Variants in RSPH9 observed in about 807,000 individuals in gnomAD.
RSPH9 encodes the protein radial spoke head protein 9 homolog.
In RSPH9, 27 loss-of-function variants were observed where a neutral mutation model predicts 27.0. The observed-to-expected ratio is 1.00, with a 90% CI of 0.74 to 1.38. The LOEUF is 1.38. RSPH9 is among the 40% of genes most tolerant of loss of function. The probability of loss-of-function intolerance (pLI) is 0.00; values close to 1 mark genes in which losing one functional copy is unlikely to be tolerated. For synonymous variants in RSPH9, 145 were observed against 147.7 expected (o/e 0.98, Z 0.13); for missense variants, 347 against 357.4 (o/e 0.97, Z 0.24).
chr6:43,646,700 C>A (rs1770906491), intron 1 of RSPH9, among the ~76,000 whole-genome samples: 1 of 148,608 alleles, frequency 6.7e-6, no homozygotes. Flanking sequence ...TGGTGGCTCA[C>A]GCCTTTAATC....
At chr6:43,651,142 G>T (rs1561937960) in intron 2 of RSPH9, among the ~76,000 whole-genome samples, 1 of 152,014 alleles carries the variant, frequency 6.6e-6, no homozygotes, top group Non-Finnish European at 1.5e-5. Flanking sequence ...TGGGTACCTG[G>T]GTGTGCTAGG....
At chr6:43,645,364 T>C (rs1189796307) in intron 1 of RSPH9, 39 bp downstream of exon 1, 6 of 386,076 alleles carry the variant, frequency 1.6e-5, no homozygotes, top group East Asian at 9.6e-5. Context: ...AGAGGGTGGC[T>C]ACCTGGAGGC....
rs984331021 is a variant in RSPH9 at position 43,671,451 on chromosome 6, G to A, written c.*502G>A. ...CCCAAGCAGTGAGCGCACACCCAAT[G>A]GGTAAGCCCATGAACCCAGTTTATG... On this transcript the variant is annotated 3_prime_UTR_variant, in exon 5 of 5. Transcript: ENST00000372163. 1.3e-5 allele frequency: 6 copies of A among 462,126 alleles called. No individual in the cohort carries two copies. The highest frequency in any genetic ancestry group is 2.0e-5 in the Non-Finnish European group (5 of 254,476). The allele number at this position is 462,126 out of a possible 1,614,324, so 28.6% of individuals were successfully genotyped here. A position where few individuals can be genotyped will look rare whatever the true frequency, so the allele number is the denominator to read the frequency against.
Position 43,655,701 on chromosome 6 carries a change from C to T in RSPH9, c.523+10C>T. 1 of 1,614,216 alleles carries T rather than the reference C, an allele frequency of 6.2e-7. No homozygotes were observed. Among genetic ancestry groups the T allele is most frequent in the African/African-American group, 1.3e-5 (1 of 75,072 alleles). On this transcript the variant is annotated intron_variant, in intron 3 of 4. Coordinates refer to ENST00000372163, the MANE Select transcript of RSPH9 (RefSeq NM_152732.5). The stretch of plus-strand genomic sequence containing the variant: ...AATCGGACCTTTGAAGGTGAGTTCT[C>T]TGGGGCCCCTCTCAAGGGCTGGGGG...
At chr6:43,659,764 C>T (rs1028399046) in intron 4 of RSPH9, among the ~76,000 whole-genome samples, 2 of 151,292 alleles carry the variant, frequency 1.3e-5, no homozygotes, top group Admixed American at 1.3e-4. Context: ...TGGAGTCTCA[C>T]TCTATCGCCC....
intron 1 of RSPH9, among the ~76,000 whole-genome samples, chr6:43,646,609 C>G (rs1770894259): frequency 6.7e-6 from 1 of 148,994 alleles, no homozygotes; most frequent in African/African-American, 2.5e-5. Context: ...AGCTTACTAC[C>G]TTACAAAGCA....
rs1332455371 is a variant in RSPH9 at position 43,671,404 on chromosome 6, G to A, written c.*455G>A. The A allele has an allele frequency of 2.5e-6, 1 of 403,392 alleles. No homozygotes were observed. 25.0% of individuals were successfully genotyped at this position (403,392 alleles called of 1,614,324 possible). ...CAATGCTCAGCACCCAGCTGGCAAT[G>A]TGCCCAGGACCCCCTGCACTTCCCA... On this transcript the variant is annotated 3_prime_UTR_variant, in exon 5 of 5. Coordinates refer to ENST00000372163, the MANE Select transcript of RSPH9 (RefSeq NM_152732.5).
rs1379485215 is a variant in RSPH9, at chr6:43,664,219, TGA to T, written c.671-6569_671-6568del. Among the ~76,000 whole-genome samples the T allele has an allele frequency of 4.6e-5, 7 of 152,006 alleles. No individual in the cohort carries two copies. In the South Asian group the frequency reaches 8.3e-4, roughly 18 times the overall value. ...AGTAAACCTGTGATGATGATGATGA[TGA>T]TGATGATTATTTTGAGACAGAGTTT... On this transcript the variant is annotated intron_variant, in intron 4 of 4. Transcript: ENST00000372163.
chr6:43,646,352 T>A (rs1015185923), intron 1 of RSPH9, among the ~76,000 whole-genome samples: 5 of 151,756 alleles, frequency 3.3e-5, no homozygotes, highest in Non-Finnish European at 7.4e-5. Context: ...GCTAGGATGG[T>A]CTCGATCTCC....
chr6:43,656,638 G>A lies in RSPH9; in HGVS notation c.585G>A (p.Glu195=), dbSNP rs376511298. ...SSYFHFREPV[E]LKNKTLLEKA... is the part of the protein sequence containing the mutation. ...ACTTCCATTTCAGGGAGCCTGTTGA[G>A]CTAAAGAATAAGACCTTGCTTGAGA... The change falls in exon 4 of 5, where the codon GAG becomes GAA. Residue 195 remains glutamate (E), a synonymous_variant. Coordinates refer to ENST00000372163, the MANE Select transcript of RSPH9 (RefSeq NM_152732.5). 2.5e-6 allele frequency: 4 copies of A among 1,614,094 alleles called. No individual in the cohort carries two copies. The African/African-American group carries it at 4.0e-5, about 16-fold the overall frequency.
chr6:43,670,872 G>A lies in RSPH9; in HGVS notation c.754G>A (p.Ala252Thr), dbSNP rs1240578557. 6 of 1,614,096 alleles carry A rather than the reference G, an allele frequency of 3.7e-6. No homozygotes were observed. The highest frequency in any genetic ancestry group is 5.1e-6 in the Non-Finnish European group (6 of 1,180,044). The change falls in exon 5 of 5, where the codon GCT becomes ACT. Residue 252 changes from alanine to threonine, a missense_variant. By Grantham distance (58) the Ala-to-Thr change is moderately conservative. Transcript: ENST00000372163. ...CTGGCCGGGCCTCACCTTCTACCAT[G>A]CTCCCCGCACCAAGAACTATGGCTA... ...LLWPGLTFYH[A>T]PRTKNYGYVY...
chr6:43,664,961 C>G (rs1165802132), intron 4 of RSPH9, among the ~76,000 whole-genome samples: 1 of 152,180 alleles, frequency 6.6e-6, no homozygotes, highest in Non-Finnish European at 1.5e-5. Flanking sequence ...CTCTTCATTC[C>G]CCTAATCTGA....
chr6:43,645,941 C>A lies in RSPH9; in HGVS notation c.227+616C>A, dbSNP rs564313597. 2.0e-5 allele frequency among the ~76,000 whole-genome samples: 3 copies of A among 152,232 alleles called. No homozygotes were observed. In the East Asian group the frequency reaches 5.8e-4, roughly 29 times the overall value. ...TTCCCTGGTCACTACCATACAGGAC[C>A]ATCCAGCTATTTATTTATTTATTTT... On this transcript the variant is annotated intron_variant, in intron 1 of 4. Coordinates refer to ENST00000372163, the MANE Select transcript of RSPH9 (RefSeq NM_152732.5).
chr6:43,652,692 CTGGGA>C (rs1166072706), intron 2 of RSPH9, among the ~76,000 whole-genome samples: 1 of 149,156 alleles, frequency 6.7e-6, no homozygotes, highest in African/African-American at 2.5e-5. Flanking sequence ...TCCCAAAGTG[CTGGGA>C]TTACAGGCGT....
At position 43,649,762 on chromosome 6, in the gene RSPH9, C is replaced by T. The variant is rs532905870; in HGVS notation, c.228-613C>T. Among the ~76,000 whole-genome samples, 11 of 152,090 alleles carry T rather than the reference C, an allele frequency of 7.2e-5. No homozygotes were observed. The East Asian group carries it at 2.1e-3, about 29-fold the overall frequency. ...GCAGGCTGAGCATGAATTTAGGGCC[C>T]ACCAAAACATGGATCCACACAATTG... On this transcript the variant is annotated intron_variant, in intron 1 of 4. Transcript: ENST00000372163.
chr6:43,655,545 C>G lies in RSPH9; in HGVS notation c.394-17C>G. ...GCACAGTGCCCTGGCAGGGGGGCTCCTCTCCTGTCTCCTCAGGTCCAGATC... is the reference window on the plus strand; with the variant it reads ...GCACAGTGCCCTGGCAGGGGGGCTCGTCTCCTGTCTCCTCAGGTCCAGATC... On this transcript the variant is annotated splice_polypyrimidine_tract_variant and intron_variant, in intron 2 of 4. Transcript: ENST00000372163. The G allele has an allele frequency of 6.2e-7, 1 of 1,613,988 alleles. No homozygotes were observed. The highest frequency in any genetic ancestry group is 8.5e-7 in the Non-Finnish European group (1 of 1,179,940).
At chr6:43,646,871 A>G (rs1413649987) in intron 1 of RSPH9, among the ~76,000 whole-genome samples, 2 of 150,376 alleles carry the variant, frequency 1.3e-5, no homozygotes, top group Admixed American at 1.3e-4. Flanking sequence ...CAGAAGAATC[A>G]CTTGAATCTG....
intron 4 of RSPH9, chr6:43,666,487 C>T (rs1405704495): frequency 4.5e-6 from 7 of 1,550,292 alleles, no homozygotes; most frequent in Non-Finnish European, 6.1e-6. Flanking sequence ...TTTGGTTGGC[C>T]CTGTTCCTGG....
In RSPH9 at chr6:43,671,991, A is replaced by C; in HGVS notation, c.*1042A>C. On this transcript the variant is annotated 3_prime_UTR_variant, in exon 5 of 5. Coordinates refer to ENST00000372163, the MANE Select transcript of RSPH9 (RefSeq NM_152732.5). The stretch of plus-strand genomic sequence containing the variant: ...GAGTGGAGCACTACCTCCTCAGGCC[A>C]GGCCACGGTTGGGCAAGCAAATCCT... The C allele has an allele frequency of 7.0e-7, 1 of 1,425,978 alleles. No homozygotes were observed. The highest frequency in any genetic ancestry group is 1.4e-5 in the African/African-American group (1 of 69,514). 88.3% of individuals were successfully genotyped at this position (1,425,978 alleles called of 1,614,324 possible).
Sources: allele counts gnomAD v4.1 joint callset (sites outside exome capture counted in the v4.1 genomes callset), GRCh38; gene constraint gnomAD v4.1.1; transcripts MANE v1.5; gene names NCBI Gene and HGNC (gene_info 2026-07-23, HGNC 2026-07-21).